FBXL3: variants seen among roughly 807,000 people sequenced by gnomAD.
The protein encoded by FBXL3 is F-box and leucine rich repeat protein 3, also known as F-box/LRR-repeat protein 3.
Under a neutral mutation model 37.9 loss-of-function variants are expected in FBXL3, and 14 were observed. The observed-to-expected ratio is 0.37, with a 90% CI of 0.24 to 0.58. FBXL3 has a LOEUF of 0.58. Ranked by LOEUF, FBXL3 falls within the 20% of genes least tolerant of loss-of-function variation. FBXL3 has a pLI of 0.74. For synonymous variants in FBXL3, 194 were observed against 180.1 expected (o/e 1.08, Z -0.62); for missense variants, 327 against 511.1 (o/e 0.64, Z 3.47).
intron 4 of FBXL3, among the ~76,000 whole-genome samples, chr13:77,011,315 C>G (rs923792463): frequency 1.4e-5 from 2 of 141,954 alleles, no homozygotes; most frequent in Non-Finnish European, 3.0e-5. Flanking sequence ...CACTCTCCAG[C>G]CTGGGCAACA....
intron 1 of FBXL3, among the ~76,000 whole-genome samples, chr13:77,024,347 C>T (rs1321283275): frequency 6.6e-6 from 1 of 152,048 alleles, no homozygotes; most frequent in Non-Finnish European, 1.5e-5. Context: ...CTTCTGACCA[C>T]CTAAAACTAC....
intron 1 of FBXL3, among the ~76,000 whole-genome samples, chr13:77,023,834 C>A (rs2034791625): frequency 6.6e-6 from 1 of 152,208 alleles, no homozygotes; most frequent in Non-Finnish European, 1.5e-5. Context: ...AGACTTTCTC[C>A]ACCCAGTACC....
chr13:77,022,895 T>G (rs2034770359), intron 1 of FBXL3, among the ~76,000 whole-genome samples: 1 of 152,214 alleles, frequency 6.6e-6, no homozygotes, highest in African/African-American at 2.4e-5. Flanking sequence ...TCACTGGCTA[T>G]GTGGCTTTGA....
intron 2 of FBXL3, among the ~76,000 whole-genome samples, chr13:77,020,689 C>T (rs142785621): frequency 1.3e-5 from 2 of 151,518 alleles, no homozygotes; most frequent in African/African-American, 4.9e-5. Flanking sequence ...CATTATTCAT[C>T]ACCCAAACAA....
intron 2 of FBXL3, among the ~76,000 whole-genome samples, chr13:77,020,692 C>G (rs2034728063): frequency 1.3e-5 from 2 of 151,694 alleles, no homozygotes; most frequent in Middle Eastern, 3.2e-3. Flanking sequence ...TATTCATCAC[C>G]CAAACAAAAC....
rs772823057 is a variant in FBXL3, at chr13:77,021,531, T to A, written c.330A>T (p.Leu110=). 1.4e-5 allele frequency: 23 copies of A among 1,611,986 alleles called. No homozygotes were observed. The highest frequency in any genetic ancestry group is 2.0e-5 in the Non-Finnish European group (23 of 1,178,404). ...KQIIKRHSNH[L]QYVSFKVDSS... is the part of the protein sequence containing the mutation. ...ATATTACCTTGAAGCTGACATATTG[T>A]AGATGGTTTGAATGTCTTTTAATAA... is the stretch of plus-strand genomic sequence containing the variant. The change falls in exon 2 of 5, where the codon CTA becomes CTT. Residue 110 remains leucine, a synonymous_variant. Transcript: ENST00000355619.
At chr13:77,014,795 C>T (rs1443105180) in intron 4 of FBXL3, 4 of 152,160 alleles carry the variant, frequency 2.6e-5, no homozygotes, top group Admixed American at 2.6e-4. Flanking sequence ...TTTATACTCT[C>T]TTTTCAATAC....
chr13:77,015,676 A>G (rs1001792121), intron 3 of FBXL3, 96 bp from the exon 4 acceptor site: 36 of 765,572 alleles, frequency 4.7e-5, no homozygotes, highest in Middle Eastern at 7.4e-4. Context: ...AACCATAATG[A>G]CATATTAATA....
chr13:77,023,345 AGTGTGTGTGT>A (rs3037568), intron 1 of FBXL3, among the ~76,000 whole-genome samples: 3 of 147,504 alleles, frequency 2.0e-5, no homozygotes, highest in Admixed American at 6.7e-5. Flanking sequence ...AGAGAGAGAG[AGTGTGTGTGT>A]GTGTGTGTGT....
In FBXL3 at chr13:77,021,701, G is replaced by A; in HGVS notation, c.160C>T (p.Leu54Phe). Residue 54 changes from leucine (L) to phenylalanine (F), a missense_variant, in exon 2 of 5, where the codon CTT (leucine) becomes TTT (phenylalanine). Transcript: ENST00000355619. Reference protein sequence around the residue: ...ILQVFKYLPLLDRAHASQVCR... With the variant: ...ILQVFKYLPLFDRAHASQVCR... Reference sequence around the variant, plus strand: ...ACTTGTGAAGCATGAGCCCGGTCAAGAAGAGGCAAATATTTAAATACTTGG... The same window carrying A: ...ACTTGTGAAGCATGAGCCCGGTCAAAAAGAGGCAAATATTTAAATACTTGG... 1 of 1,614,056 alleles carries A rather than the reference G, an allele frequency of 6.2e-7. No homozygotes were observed. The highest frequency in any genetic ancestry group is 1.3e-5 in the African/African-American group (1 of 75,030).
At chr13:77,013,679 T>A (rs2034593162) in intron 4 of FBXL3, 1 of 152,178 alleles carries the variant, frequency 6.6e-6, no homozygotes, top group South Asian at 2.1e-4. Context: ...TCTTTAAAAA[T>A]TCTGATCTCC....
In FBXL3 at chr13:77,005,793, C is replaced by T. The variant is rs994539612; in HGVS notation, c.*1352G>A. 1 of 152,102 alleles carries T rather than the reference C, an allele frequency of 6.6e-6. No individual in the cohort carries two copies. Among genetic ancestry groups the T allele is most frequent in the East Asian group, 1.9e-4 (1 of 5,200 alleles). The allele number at this position is 152,102 out of a possible 1,614,324, so 9.4% of individuals were successfully genotyped here. A position where few individuals can be genotyped will look rare whatever the true frequency, so the allele number is the denominator to read the frequency against. ...GAGCCGCTTTAAGAATTAATGTATT[C>T]CACCGGGGTTAAATCATTTCTGATT... On this transcript the variant is annotated 3_prime_UTR_variant, in exon 5 of 5. Coordinates refer to ENST00000355619, the MANE Select transcript of FBXL3 (RefSeq NM_012158.4).
Position 77,007,653 on chromosome 13 carries a change from A to G in FBXL3, c.779T>C (p.Val260Ala). Residue 260 changes from valine to alanine, a missense_variant, in exon 5 of 5, where the codon GTC becomes GCC. Physicochemically the swap from Val to Ala is moderately conservative, Grantham distance 64. Coordinates refer to ENST00000355619, the MANE Select transcript of FBXL3 (RefSeq NM_012158.4). ...GTGTGTCTGTCCAGGATTCTCACTG[A>G]CTACATCAATGCGCAAATGTTCTAA... ...VRLEHLRIDV[V>A]SENPGQTHFH... 1.2e-6 allele frequency: 2 copies of G among 1,614,228 alleles called. No individual in the cohort carries two copies. Among genetic ancestry groups the G allele is most frequent in the Non-Finnish European group, 1.7e-6 (2 of 1,180,036 alleles).
chr13:77,024,431 T>C (rs145869364), intron 1 of FBXL3, among the ~76,000 whole-genome samples: 1,589 of 152,338 alleles, frequency 0.01, 33 homozygotes, highest in African/African-American at 0.037. Context: ...TATAGAATAC[T>C]GATTGCCTGT....
At chr13:77,023,255 G>T (rs1375409203) in intron 1 of FBXL3, among the ~76,000 whole-genome samples, 1 of 152,166 alleles carries the variant, frequency 6.6e-6, no homozygotes, top group African/African-American at 2.4e-5. Flanking sequence ...GACCTCCTGA[G>T]ATCAAGCAAT....
Position 77,018,645 on chromosome 13 carries a change from A to C in FBXL3, c.426T>G (p.Leu142=). The change falls in exon 3 of 5, where the codon CTT becomes CTG. Residue 142 remains leucine (L), a synonymous_variant. Coordinates refer to ENST00000355619, the MANE Select transcript of FBXL3 (RefSeq NM_012158.4). ...SQLVNCSLKT[L]GLISTARPSF... is the part of the protein sequence containing the mutation. Reference sequence around the variant, plus strand: ...TTGGTCGAGCAGTTGAAATAAGTCCAAGTGTTTTTAAAGAGCAATTCACAA... The same window carrying C: ...TTGGTCGAGCAGTTGAAATAAGTCCCAGTGTTTTTAAAGAGCAATTCACAA... 2.5e-6 allele frequency: 4 copies of C among 1,598,116 alleles called. No individual in the cohort carries two copies. Among genetic ancestry groups the C allele is most frequent in the Non-Finnish European group, 3.4e-6 (4 of 1,173,218 alleles).
At chr13:77,020,464 A>G (rs563500601) in intron 2 of FBXL3, among the ~76,000 whole-genome samples, 7 of 152,310 alleles carry the variant, frequency 4.6e-5, no homozygotes, top group African/African-American at 1.7e-4. Context: ...TCTCCACCTA[A>G]GAGGAAATTA....
chr13:77,019,833 A>G (rs1472876009), intron 2 of FBXL3, among the ~76,000 whole-genome samples: 2 of 151,976 alleles, frequency 1.3e-5, no homozygotes, highest in South Asian at 2.1e-4. Flanking sequence ...TTATTTCCTC[A>G]GGAAAATTAA....
intron 4 of FBXL3, chr13:77,009,584 T>A (rs1194660061): frequency 6.6e-6 from 1 of 152,188 alleles, no homozygotes; most frequent in African/African-American, 2.4e-5. Flanking sequence ...AGAATGGCAA[T>A]CATTAAAAAG....
Sources: allele counts gnomAD v4.1 joint callset (sites outside exome capture counted in the v4.1 genomes callset), GRCh38; gene constraint gnomAD v4.1.1; transcripts MANE v1.5; gene names NCBI Gene and HGNC (gene_info 2026-07-23, HGNC 2026-07-21).